Variants in REST observed in about 807,000 individuals in gnomAD.
REST encodes RE1-silencing transcription factor.
REST carries 1 observed loss-of-function variant against 30.4 expected under a neutral mutation model. That is an observed-to-expected ratio of 0.03 (90% CI 0.01 to 0.16). The LOEUF is 0.16. Ranked by LOEUF, REST falls within the 10% of genes least tolerant of loss-of-function variation. REST has a pLI of 1.00. For missense variants in REST, 1,259 were observed against 1,329.5 expected (o/e 0.95, Z 0.82); for synonymous variants, 504 against 451.1 (o/e 1.12, Z -1.49).
rs1720886465 is a variant in REST, at chr4:56,929,878, G to A, written c.1020G>A (p.Val340=). 1 of 1,613,938 alleles carries A rather than the reference G, an allele frequency of 6.2e-7. No individual in the cohort carries two copies. The highest frequency in any genetic ancestry group is 1.3e-5 in the African/African-American group (1 of 74,988). The change falls in exon 4 of 4, where the codon GTG becomes GTA. Residue 340 remains valine (V), a synonymous_variant. Coordinates refer to ENST00000309042, the MANE Select transcript of REST (RefSeq NM_005612.5). Reference sequence around the variant, plus strand: ...TTAAATGTGATCAGTGCAGTTATGTGGCCTCTAATCAACATGAAGTAACCC... The same window carrying A: ...TTAAATGTGATCAGTGCAGTTATGTAGCCTCTAATCAACATGAAGTAACCC... ...KPFKCDQCSY[V]ASNQHEVTRH... is the part of the protein sequence containing the mutation.
intron 3 of REST, among the ~76,000 whole-genome samples, chr4:56,927,210 C>G (rs187041346): frequency 9.8e-4 from 150 of 152,308 alleles, no homozygotes; most frequent in African/African-American, 2.7e-3. Context: ...TGGTCTAGCT[C>G]TATCTAGAAG....
At chr4:56,917,520 A>G (rs144637099) in intron 2 of REST, among the ~76,000 whole-genome samples, 404 of 152,044 alleles carry the variant, frequency 2.7e-3, no homozygotes, top group African/African-American at 9.2e-3. Context: ...TCCTTATTTT[A>G]TTAGACACAT....
At chr4:56,910,447 A>G (rs369318425) in intron 1 of REST, among the ~76,000 whole-genome samples, 183 bp from the exon 2 acceptor site, 16 of 152,338 alleles carry the variant, frequency 1.1e-4, no homozygotes, top group South Asian at 1.0e-3. Flanking sequence ...TGGTGATTGC[A>G]GTAGACTATT....
chr4:56,918,383 A>G (rs1351760776), intron 2 of REST, among the ~76,000 whole-genome samples: 6 of 151,808 alleles, frequency 4.0e-5, no homozygotes, highest in Admixed American at 3.9e-4. Context: ...GGTCCCAGCT[A>G]CTTAGGAGGC....
chr4:56,932,309 G>C lies in REST; in HGVS notation c.*157G>C, dbSNP rs1161190412. The C allele has an allele frequency of 2.8e-6, 2 of 715,410 alleles. No homozygotes were observed. The highest frequency in any genetic ancestry group is 4.4e-6 in the Non-Finnish European group (2 of 450,422). The allele number at this position is 715,410 out of a possible 1,614,324, so 44.3% of individuals were successfully genotyped here. On this transcript the variant is annotated 3_prime_UTR_variant, in exon 4 of 4. Coordinates refer to ENST00000309042, the MANE Select transcript of REST (RefSeq NM_005612.5). Reference sequence around the variant, plus strand: ...TCCTTAGGACTTTTTATGTATACCTGTTGATTGTTGTGTAAATTTTAGTAA... The same window carrying C: ...TCCTTAGGACTTTTTATGTATACCTCTTGATTGTTGTGTAAATTTTAGTAA...
chr4:56,908,877 G>C (rs1177319360), intron 1 of REST: 1 of 151,510 alleles, frequency 6.6e-6, no homozygotes, highest in Non-Finnish European at 1.5e-5. Context: ...CTTCCGGGGC[G>C]CGGGGGTGGC....
At chr4:56,925,215 T>C (rs1034839469) in intron 3 of REST, among the ~76,000 whole-genome samples, 7 of 152,110 alleles carry the variant, frequency 4.6e-5, no homozygotes, top group Non-Finnish European at 1.0e-4. Flanking sequence ...GGTTTTTGTT[T>C]TGTTTTGTTT....
chr4:56,922,044 C>G (rs902143163), intron 3 of REST, among the ~76,000 whole-genome samples: 1 of 152,078 alleles, frequency 6.6e-6, no homozygotes, highest in Non-Finnish European at 1.5e-5. Context: ...AGTATAGTTG[C>G]TAGCCTTTCT....
intron 2 of REST, among the ~76,000 whole-genome samples, chr4:56,919,387 C>A (rs549622448): frequency 9.9e-5 from 15 of 151,858 alleles, no homozygotes; most frequent in African/African-American, 3.4e-4. Flanking sequence ...AAAAAAAAAA[C>A]CTAAAAACCG....
In REST at chr4:56,932,237, GA is replaced by G; in HGVS notation, c.*86del. 1.4e-6 allele frequency: 2 copies of G among 1,414,806 alleles called. No individual in the cohort carries two copies. The highest frequency in any genetic ancestry group is 1.9e-6 in the Non-Finnish European group (2 of 1,051,424). The allele number at this position is 1,414,806 out of a possible 1,614,324, so 87.6% of individuals were successfully genotyped here. ...TTTATGATAGCAGACAACCTTTTAA[GA>G]TTGCTTTAATTAGTATCTGATGTTG... is the stretch of plus-strand genomic sequence containing the variant. On this transcript the variant is annotated 3_prime_UTR_variant, in exon 4 of 4. Transcript: ENST00000309042.
rs764202206 is a variant in REST at position 56,911,022 on chromosome 4, A to C, written c.384A>C (p.Ser128=). The C allele has an allele frequency of 6.2e-7, 1 of 1,614,086 alleles. No individual in the cohort carries two copies. Among genetic ancestry groups the C allele is most frequent in the African/African-American group, 1.3e-5 (1 of 74,928 alleles). Residue 128 remains serine (S), a synonymous_variant, in exon 2 of 4, where the codon TCA becomes TCC. Coordinates refer to ENST00000309042, the MANE Select transcript of REST (RefSeq NM_005612.5). Reference sequence around the variant, plus strand: ...AACCTCAGCCTGTATTTGAGGCATCAGGTGCTCCAGATATTTACAGTTCAA... The same window carrying C: ...AACCTCAGCCTGTATTTGAGGCATCCGGTGCTCCAGATATTTACAGTTCAA... The part of the protein sequence containing the change: ...VVEPQPVFEA[S]GAPDIYSSNK...
In REST at chr4:56,930,107, A is replaced by G. The variant is rs539110951; in HGVS notation, c.1249A>G (p.Asn417Asp). 11 of 1,613,840 alleles carry G rather than the reference A, an allele frequency of 6.8e-6. No homozygotes were observed. The highest frequency in any genetic ancestry group is 6.7e-5 in the East Asian group (3 of 44,892). ...HFKSKHPTCP[N>D]KTMDVSKVKL... ...CAAATCTAAGCATCCTACTTGTCCT[A>G]ATAAAACAATGGATGTCTCAAAAGT... Residue 417 changes from asparagine (N) to aspartate (D), a missense_variant, in exon 4 of 4, where the codon AAT becomes GAT. By Grantham distance (23) the Asn-to-Asp change is conservative. Around this residue, in one of 5 missense-constraint regions of REST, gnomAD observed 856 missense variants for 772.8 expected, o/e 1.11. Coordinates refer to ENST00000309042, the MANE Select transcript of REST (RefSeq NM_005612.5).
At chr4:56,922,571 C>A (rs1196501770) in intron 3 of REST, among the ~76,000 whole-genome samples, 1 of 152,130 alleles carries the variant, frequency 6.6e-6, no homozygotes, top group Non-Finnish European at 1.5e-5. Context: ...CCTCAGCCTC[C>A]CAACGTGCTG....
chr4:56,930,586 A>T lies in REST; in HGVS notation c.1728A>T (p.Lys576Asn), dbSNP rs753362904. The T allele has an allele frequency of 1.2e-6, 2 of 1,612,496 alleles. No individual in the cohort carries two copies. Among genetic ancestry groups the T allele is most frequent in the Admixed American group, 1.7e-5 (1 of 59,776 alleles). ...EENKKQNTCM[K>N]KSTKKKTLKN... ...ATAAAAAGCAAAATACTTGCATGAA[A>T]AAAAGTACAAAGAAGAAAACTCTGA... Residue 576 changes from lysine (K) to asparagine (N), a missense_variant, in exon 4 of 4, where the codon AAA becomes AAT. Transcript: ENST00000309042.
At chr4:56,915,448 C>G (rs1720152469) in intron 2 of REST, among the ~76,000 whole-genome samples, 1 of 151,938 alleles carries the variant, frequency 6.6e-6, no homozygotes, top group East Asian at 1.9e-4. Context: ...CAGCGTTTCA[C>G]CATGTTGGCC....
intron 1 of REST, among the ~76,000 whole-genome samples, chr4:56,910,285 T>C (rs1719835733): frequency 6.6e-6 from 1 of 152,204 alleles, no homozygotes; most frequent in Admixed American, 6.5e-5. Flanking sequence ...ATTTTTAAAA[T>C]AATTTTAACA....
intron 1 of REST, 84 bp from the exon 2 acceptor site, chr4:56,910,546 A>T: frequency 8.4e-7 from 1 of 1,196,622 alleles, no homozygotes; most frequent in South Asian, 1.6e-5. Flanking sequence ...TTTTTAAGTT[A>T]TGAAGAATTA....
chr4:56,931,494 A>G lies in REST; in HGVS notation c.2636A>G (p.Asp879Gly), dbSNP rs2109578079. The G allele has an allele frequency of 6.2e-7, 1 of 1,614,164 alleles. No homozygotes were observed. Among genetic ancestry groups the G allele is most frequent in the Non-Finnish European group, 8.5e-7 (1 of 1,180,036 alleles). Residue 879 changes from aspartate to glycine, a missense_variant, in exon 4 of 4, where the codon GAC becomes GGC. Coordinates refer to ENST00000309042, the MANE Select transcript of REST (RefSeq NM_005612.5). ...KENLREEASG[D>G]QKLLNTGEGN... ...AATTTAAGAGAAGAGGCATCAGGAG[A>G]CCAAAAATTACTCAACACAGGTGAA... is the stretch of plus-strand genomic sequence containing the variant.
Position 56,930,832 on chromosome 4 carries a change from G to T in REST, c.1974G>T (p.Gln658His). Reference protein sequence around the residue: ...PDEPVQMEVVQEGPAQKELLP... With the variant: ...PDEPVQMEVVHEGPAQKELLP... ...AGCCTGTTCAGATGGAGGTGGTTCA[G>T]GAGGGGCCTGCTCAGAAGGAGCTGC... Residue 658 changes from glutamine to histidine, a missense_variant, in exon 4 of 4, where the codon CAG (glutamine) becomes CAT (histidine). Transcript: ENST00000309042. The T allele has an allele frequency of 6.2e-7, 1 of 1,612,068 alleles. No homozygotes were observed. Among genetic ancestry groups the T allele is most frequent in the Non-Finnish European group, 8.5e-7 (1 of 1,178,842 alleles).
Sources: gnomAD v4.1 joint callset for allele counts (sites outside exome capture counted in the v4.1 genomes callset) on GRCh38, gnomAD v4.1.1 for gene constraint, gnomAD v4.1.1 regional missense constraint, MANE v1.5 for transcripts, NCBI Gene and HGNC (gene_info 2026-07-23, HGNC 2026-07-21) for gene names.